BBX: variants seen among roughly 807,000 people sequenced by gnomAD.
BBX encodes the protein BBX high mobility group box domain containing, also known as HMG box transcription factor BBX.
In BBX, 30 loss-of-function variants were observed where a neutral mutation model predicts 100.2. That is an observed-to-expected ratio of 0.30 (90% CI 0.22 to 0.41). BBX has a LOEUF of 0.41. Ranked by LOEUF, BBX falls within the 10% of genes least tolerant of loss-of-function variation. The pLI is 1.00. For missense variants in BBX, 1,023 were observed against 1,129.8 expected, an observed-to-expected ratio of 0.91 and a Z score of 1.35; for synonymous variants, 376 against 388.1, an observed-to-expected ratio of 0.97 and a Z score of 0.37.
intron 5 of BBX, 91 bp downstream of exon 5, chr3:107,716,940 A>G: frequency 1.4e-6 from 2 of 1,432,928 alleles, no homozygotes; most frequent in Admixed American, 2.1e-5. Context: ...TTGAAGGTCT[A>G]GCAATGAGAA....
At chr3:107,749,883 C>T (rs1305222124) in intron 9 of BBX, among the ~76,000 whole-genome samples, 1 of 152,124 alleles carries the variant, frequency 6.6e-6, no homozygotes, top group African/African-American at 2.4e-5. Context: ...ATCCGCCCGC[C>T]TCGGCCTTCC....
chr3:107,527,372 T>C (rs191775485), intron 2 of BBX, among the ~76,000 whole-genome samples: 1 of 152,338 alleles, frequency 6.6e-6, no homozygotes, highest in African/African-American at 2.4e-5. Flanking sequence ...TGAACTTACT[T>C]TTCTGTGAAA....
At chr3:107,546,285 C>G (rs927236867) in intron 2 of BBX, among the ~76,000 whole-genome samples, 3 of 152,160 alleles carry the variant, frequency 2.0e-5, no homozygotes, top group African/African-American at 7.2e-5. Flanking sequence ...TCATTCCTGC[C>G]TATAAATTAT....
At chr3:107,707,800 T>C (rs981230386) in intron 3 of BBX, among the ~76,000 whole-genome samples, 2 of 152,212 alleles carry the variant, frequency 1.3e-5, no homozygotes, top group African/African-American at 4.8e-5. Flanking sequence ...TCTTTGAATA[T>C]TGAAATTACA....
intron 2 of BBX, among the ~76,000 whole-genome samples, chr3:107,582,556 T>G (rs1038720126): frequency 6.6e-6 from 1 of 152,052 alleles, no homozygotes; most frequent in Non-Finnish European, 1.5e-5. Flanking sequence ...TCTCCCTGTT[T>G]TTATAGTTTG....
rs1439833059 is a variant in BBX, at chr3:107,809,194, A to G, written c.*3737A>G. ...AGGAGTAAGCTGAAAACTGAATGCCATGTTTTGTTTATAAGGTGGGGAGGG... is the reference window on the plus strand; with the variant it reads ...AGGAGTAAGCTGAAAACTGAATGCCGTGTTTTGTTTATAAGGTGGGGAGGG... On this transcript the variant is annotated 3_prime_UTR_variant, in exon 18 of 18. Coordinates refer to ENST00000325805, the MANE Select transcript of BBX (RefSeq NM_001142568.3). 1 of 152,194 alleles carries G rather than the reference A, an allele frequency of 6.6e-6. No individual in the cohort carries two copies. Among genetic ancestry groups the G allele is most frequent in the Non-Finnish European group, 1.5e-5 (1 of 68,030 alleles). 9.4% of individuals were successfully genotyped at this position (152,194 alleles called of 1,614,324 possible). A position where few individuals can be genotyped will look rare whatever the true frequency, so the allele number is the denominator to read the frequency against.
intron 5 of BBX, among the ~76,000 whole-genome samples, chr3:107,726,431 C>G (rs1419199964): frequency 6.7e-6 from 1 of 149,304 alleles, no homozygotes; most frequent in Non-Finnish European, 1.5e-5. Context: ...TGTTCTCTAT[C>G]TCTCACGTTC....
intron 15 of BBX, among the ~76,000 whole-genome samples, chr3:107,793,899 T>C (rs2069322009): frequency 6.6e-6 from 1 of 152,172 alleles, no homozygotes; most frequent in Non-Finnish European, 1.5e-5. Context: ...CTTAGTAATA[T>C]GTTTAAATGC....
At chr3:107,592,176 C>T (rs768359661) in intron 2 of BBX, among the ~76,000 whole-genome samples, 3 of 151,608 alleles carry the variant, frequency 2.0e-5, no homozygotes. Context: ...CTTACTGTTC[C>T]TATATTTTTC....
chr3:107,731,470 T>C (rs2063312943), intron 6 of BBX, among the ~76,000 whole-genome samples: 1 of 152,176 alleles, frequency 6.6e-6, no homozygotes. Flanking sequence ...ACAGCCATAG[T>C]ATTTCTTAAA....
intron 3 of BBX, among the ~76,000 whole-genome samples, chr3:107,704,840 G>C (rs1281145927): frequency 6.6e-6 from 1 of 152,136 alleles, no homozygotes; most frequent in Non-Finnish European, 1.5e-5. Context: ...ACAGAATCAA[G>C]TACAATCAAA....
chr3:107,743,925 T>G (rs1415929457), intron 7 of BBX, among the ~76,000 whole-genome samples: 2 of 146,530 alleles, frequency 1.4e-5, no homozygotes, highest in Non-Finnish European at 3.0e-5. Flanking sequence ...GTGGTTTTTT[T>G]TTTTTTTTTT....
chr3:107,663,179 A>C (rs1305594691), intron 3 of BBX, among the ~76,000 whole-genome samples: 1 of 152,218 alleles, frequency 6.6e-6, no homozygotes, highest in Non-Finnish European at 1.5e-5. Context: ...ATGGTCTGCA[A>C]GCTGAATATG....
chr3:107,721,349 GTTGTTTTGTTTTTTGTT>G (rs1322768839), intron 5 of BBX, among the ~76,000 whole-genome samples: 21 of 151,794 alleles, frequency 1.4e-4, no homozygotes, highest in Non-Finnish European at 2.5e-4. Context: ...CTTTTCCATA[GTTGTTTTGTTTTTTGTT>G]TTGTTTTGTT....
At chr3:107,642,397 A>C (rs1241829728) in intron 2 of BBX, among the ~76,000 whole-genome samples, 1 of 152,242 alleles carries the variant, frequency 6.6e-6, no homozygotes, top group Admixed American at 6.5e-5. Context: ...GTTTTAAAGT[A>C]GGAAAAGTCT....
intron 3 of BBX, among the ~76,000 whole-genome samples, chr3:107,675,226 T>G (rs190416079): frequency 1.3e-5 from 2 of 152,254 alleles, no homozygotes; most frequent in African/African-American, 4.8e-5. Context: ...CTCTGTGATA[T>G]GATGAGAGGC....
In BBX at chr3:107,805,735, AG is replaced by A. The variant is rs2071021285; in HGVS notation, c.*280del. Reference sequence around the variant, plus strand: ...TCTATTGAAGGCTTTTGACGGTAATAGGTGGTAACTTGGTAAAAGGCTGCCT... The same window carrying A: ...TCTATTGAAGGCTTTTGACGGTAATAGTGGTAACTTGGTAAAAGGCTGCCT... On this transcript the variant is annotated 3_prime_UTR_variant, in exon 18 of 18. Transcript: ENST00000325805. 2.2e-6 allele frequency: 1 copy of A among 463,142 alleles called. No individual in the cohort carries two copies. 28.7% of individuals were successfully genotyped at this position (463,142 alleles called of 1,614,324 possible).
chr3:107,662,373 A>G (rs939886940), intron 3 of BBX, among the ~76,000 whole-genome samples: 1 of 152,118 alleles, frequency 6.6e-6, no homozygotes. Context: ...TGAAAGTGCT[A>G]AGTTTCAGTC....
chr3:107,547,524 T>G (rs2049326357), intron 2 of BBX, among the ~76,000 whole-genome samples: 1 of 152,146 alleles, frequency 6.6e-6, no homozygotes, highest in Non-Finnish European at 1.5e-5. Context: ...TCTCACAGAT[T>G]CCCATGAAAC....
Sources: allele counts gnomAD v4.1 joint callset (sites outside exome capture counted in the v4.1 genomes callset), GRCh38; gene constraint gnomAD v4.1.1; transcripts MANE v1.5; gene names NCBI Gene and HGNC (gene_info 2026-07-23, HGNC 2026-07-21).